The following VDAC1 variants were observed in gnomAD, a reference collection of about 807,000 sequenced individuals.
VDAC1 encodes voltage dependent anion channel 1, also known as non-selective voltage-gated ion channel VDAC1.
VDAC1 carries 10 observed loss-of-function variants against 34.7 expected under a neutral mutation model. That is an observed-to-expected ratio of 0.29 (90% CI 0.18 to 0.49). The LOEUF (loss-of-function observed/expected upper bound fraction) is 0.49. Among genes scored for constraint, VDAC1 ranks in the 20% least tolerant of loss-of-function variants. The pLI is 0.99. For synonymous variants in VDAC1, 130 were observed against 136.0 expected (o/e 0.96, Z 0.30); for missense variants, 230 against 347.9 (o/e 0.66, Z 2.69).
Position 133,972,132 on chromosome 5 carries a change from G to C in VDAC1, c.*639C>G, listed in dbSNP as rs1234505441. The C allele has an allele frequency of 6.5e-6, 1 of 153,034 alleles. No individual in the cohort carries two copies. Among genetic ancestry groups the C allele is most frequent in the Non-Finnish European group, 1.5e-5 (1 of 68,480 alleles). 9.5% of individuals were successfully genotyped at this position (153,034 alleles called of 1,614,324 possible). On this transcript the variant is annotated 3_prime_UTR_variant, in exon 9 of 9. Transcript: ENST00000265333. ...ACAGACACTTCCAAGCTTATAGCTG[G>C]AGCTCCTGGAAGCTATTTCATACTC...
the VDAC1 span, among the ~76,000 whole-genome samples, chr5:134,015,491 T>C: frequency 6.6e-6 from 1 of 152,286 alleles, no homozygotes; most frequent in East Asian, 1.9e-4. Context: ...GAAATAACTT[T>C]GTTATTTATA....
the VDAC1 span, among the ~76,000 whole-genome samples, chr5:134,085,801 G>A: frequency 7.1e-6 from 1 of 141,004 alleles, no homozygotes; most frequent in South Asian, 2.3e-4. Context: ...CCAATCACTC[G>A]AGAGGCTGAG....
the VDAC1 span, among the ~76,000 whole-genome samples, chr5:134,055,602 T>G: frequency 7.1e-6 from 1 of 139,934 alleles, no homozygotes; most frequent in Admixed American, 7.1e-5. Flanking sequence ...TTTTTTTTTT[T>G]TTTTTTTTTT....
the VDAC1 span, among the ~76,000 whole-genome samples, chr5:134,018,754 A>G: frequency 1.3e-5 from 2 of 152,286 alleles, no homozygotes; most frequent in Admixed American, 1.3e-4. Flanking sequence ...GGATAAACTA[A>G]TATGTGATTC....
At chr5:134,039,329 A>AT in the VDAC1 span, among the ~76,000 whole-genome samples, 28 of 151,398 alleles carry the variant, frequency 1.8e-4, no homozygotes, top group African/African-American at 5.1e-4. Flanking sequence ...GTGGTTTTTT[A>AT]TTTTTTTTAT....
At chr5:134,078,602 G>C in the VDAC1 span, among the ~76,000 whole-genome samples, 3 of 148,800 alleles carry the variant, frequency 2.0e-5, no homozygotes, top group East Asian at 6.3e-4. Context: ...AGGTGTGCAA[G>C]ATAGTAAGTA....
chr5:134,038,307 C>T, the VDAC1 span, among the ~76,000 whole-genome samples: 1 of 151,278 alleles, frequency 6.6e-6, no homozygotes, highest in East Asian at 2.0e-4. Context: ...AAAGAGTGCC[C>T]CAGGCAAAGC....
chr5:133,997,756 T>C lies in VDAC1; in HGVS notation c.-6-4738A>G, dbSNP rs184360326. On this transcript the variant is annotated intron_variant, in intron 1 of 8. Coordinates refer to ENST00000265333, the MANE Select transcript of VDAC1 (RefSeq NM_003374.3). ...AATAAGGTGGATGTATGTGGTGGCA[T>C]AGAAAGCTAGCTATGAAGCTACGAT... is the stretch of plus-strand genomic sequence containing the variant. Among the ~76,000 whole-genome samples, 770 of 130,588 alleles carry C rather than the reference T, an allele frequency of 5.9e-3. 10 individuals carry two copies. The highest frequency in any genetic ancestry group is 0.021 in the African/African-American group (714 of 34,814). The allele number at this position is 130,588 out of a possible 152,430, so 85.7% of individuals were successfully genotyped here.
chr5:134,110,329 G>T, the VDAC1 span, among the ~76,000 whole-genome samples: 10 of 152,332 alleles, frequency 6.6e-5, 1 homozygote, highest in South Asian at 2.1e-3. Context: ...ACCCACAGAA[G>T]AGTCCTTCCT....
At chr5:134,086,599 C>G in the VDAC1 span, among the ~76,000 whole-genome samples, 17 of 152,206 alleles carry the variant, frequency 1.1e-4, no homozygotes, top group Non-Finnish European at 2.1e-4. Context: ...CGTTTCCCAC[C>G]ATTTTCCTCC....
At chr5:134,077,308 T>C in the VDAC1 span, among the ~76,000 whole-genome samples, 2 of 150,026 alleles carry the variant, frequency 1.3e-5, no homozygotes, top group Admixed American at 1.3e-4. Context: ...GATTAAACAT[T>C]CACCCTTAAA....
the VDAC1 span, among the ~76,000 whole-genome samples, chr5:134,078,531 G>T: frequency 6.6e-6 from 1 of 152,118 alleles, no homozygotes; most frequent in African/African-American, 2.4e-5. Flanking sequence ...GAGCAAGGAT[G>T]AGTTCTGACA....
At chr5:134,081,768 C>G in the VDAC1 span, 1 of 152,370 alleles carries the variant, frequency 6.6e-6, no homozygotes, top group Non-Finnish European at 1.5e-5. Context: ...TTTGCTTCCT[C>G]TAAGGCAAAA....
chr5:134,038,111 G>A, the VDAC1 span, among the ~76,000 whole-genome samples: 1 of 152,240 alleles, frequency 6.6e-6, no homozygotes, highest in Admixed American at 6.5e-5. Flanking sequence ...GGGTTCCCAA[G>A]CAATAAACAA....
chr5:134,075,807 G>A, the VDAC1 span, among the ~76,000 whole-genome samples: 7 of 151,944 alleles, frequency 4.6e-5, no homozygotes, highest in South Asian at 6.2e-4. Flanking sequence ...GGATGGTCTC[G>A]ATCTCCTGAC....
the VDAC1 span, among the ~76,000 whole-genome samples, chr5:134,075,286 T>TATTCACACTGCC: frequency 0.56 from 84,053 of 151,440 alleles, 23,725 homozygotes; most frequent in African/African-American, 0.64. Context: ...ATCTGCATGC[T>TATTCACACTGCC]ATTCACACTG....
chr5:134,003,016 C>A (rs1753620038), intron 1 of VDAC1, among the ~76,000 whole-genome samples: 1 of 152,062 alleles, frequency 6.6e-6, no homozygotes, highest in South Asian at 2.1e-4. Context: ...GCCTGCAGCC[C>A]TTCATATGCC....
chr5:134,086,291 C>T, the VDAC1 span, among the ~76,000 whole-genome samples: 2 of 152,330 alleles, frequency 1.3e-5, no homozygotes, highest in Admixed American at 1.3e-4. Context: ...TTACACAAAG[C>T]AACACAGGGC....
intron 1 of VDAC1, among the ~76,000 whole-genome samples, chr5:133,996,709 T>C (rs991844575): frequency 6.6e-6 from 1 of 152,174 alleles, no homozygotes; most frequent in Non-Finnish European, 1.5e-5. Context: ...TCAATATAAA[T>C]GTGTTTGATG....
Sources: allele counts gnomAD v4.1 joint callset (sites outside exome capture counted in the v4.1 genomes callset), GRCh38; gene constraint gnomAD v4.1.1; transcripts MANE v1.5; gene names NCBI Gene and HGNC (gene_info 2026-07-23, HGNC 2026-07-21).